Variants in STK38L observed in about 807,000 individuals in gnomAD.
The protein encoded by STK38L is serine/threonine-protein kinase 38-like.
In STK38L, 28 loss-of-function variants were observed where a neutral mutation model predicts 59.7. The observed-to-expected ratio is 0.47, with a 90% CI of 0.35 to 0.64. STK38L has a LOEUF of 0.64. Among genes scored for constraint, STK38L ranks in the 30% least tolerant of loss-of-function variants. The probability of loss-of-function intolerance (pLI) is 0.01; values close to 1 mark genes in which losing one functional copy is unlikely to be tolerated. For missense variants in STK38L, 314 were observed against 555.8 expected (o/e 0.56, Z 4.37); for synonymous variants, 162 against 176.8 (o/e 0.92, Z 0.66).
At chr12:27,284,245 A>C (rs1223143612) in intron 1 of STK38L, among the ~76,000 whole-genome samples, 1 of 152,206 alleles carries the variant, frequency 6.6e-6, no homozygotes, top group Admixed American at 6.5e-5. Context: ...GGGGTAGTAC[A>C]GTGTCCTGGA....
intron 1 of STK38L, among the ~76,000 whole-genome samples, chr12:27,295,216 A>C (rs976400826): frequency 7.2e-5 from 11 of 152,254 alleles, no homozygotes; most frequent in Non-Finnish European, 2.9e-5. Context: ...AGCACAATAC[A>C]AAGATTAAAC....
intron 12 of STK38L, among the ~76,000 whole-genome samples, chr12:27,320,571 C>T (rs559794778): frequency 1.5e-4 from 22 of 149,312 alleles, no homozygotes; most frequent in African/African-American, 4.9e-4. Flanking sequence ...GGATTACAGG[C>T]GCCTAGCCCA....
At chr12:27,314,786 T>A in intron 7 of STK38L, 128 bp downstream of exon 7, 1 of 1,109,336 alleles carries the variant, frequency 9.0e-7, no homozygotes, top group Non-Finnish European at 1.3e-6. Flanking sequence ...GATAAGGTAC[T>A]AGGAGAGGAC....
At chr12:27,279,690 T>TA (rs1943612027) in intron 1 of STK38L, among the ~76,000 whole-genome samples, 1 of 148,446 alleles carries the variant, frequency 6.7e-6, no homozygotes, top group Non-Finnish European at 1.5e-5. Flanking sequence ...AAAAAAAAAT[T>TA]TTTTTTTTTT....
chr12:27,312,668 T>G lies in STK38L; in HGVS notation c.513T>G (p.Pro171=). ...RNLYLIMEFL[P]GGDMMTLLMK... ...TTTATCTAATCATGGAATTTCTCCC[T>G]GGAGGTAAAAGCAAACATTGTATCA... is the stretch of plus-strand genomic sequence containing the variant. Residue 171 remains proline (P), a synonymous_variant, in exon 6 of 14, where the codon CCT becomes CCG. Transcript: ENST00000389032. The G allele has an allele frequency of 6.2e-7, 1 of 1,613,844 alleles. No individual in the cohort carries two copies. The highest frequency in any genetic ancestry group is 1.3e-5 in the African/African-American group (1 of 75,032).
intron 1 of STK38L, among the ~76,000 whole-genome samples, chr12:27,282,184 T>C (rs765075497): frequency 4.7e-4 from 72 of 152,244 alleles, no homozygotes; most frequent in Admixed American, 1.6e-3. Flanking sequence ...TTCTCAACTT[T>C]CGAGTCAGGT....
chr12:27,294,619 C>T (rs549066203), intron 1 of STK38L, among the ~76,000 whole-genome samples: 2 of 151,834 alleles, frequency 1.3e-5, no homozygotes, highest in Admixed American at 6.6e-5. Context: ...TCCATCCTTC[C>T]TCTCCCATCC....
At position 27,308,018 on chromosome 12, in the gene STK38L, A is replaced by G. The variant is rs1467166225; in HGVS notation, c.187-321A>G. ...TCCTGACAGAATAAAAATCAGTATC[A>G]GAATACCATTAACATTTACTAACAT... On this transcript the variant is annotated intron_variant, in intron 3 of 13. Coordinates refer to ENST00000389032, the MANE Select transcript of STK38L (RefSeq NM_015000.4). This position sits in a 1 kb window ranked among gnomAD's most constrained non-coding sequence, Gnocchi z 4.5. Among the ~76,000 whole-genome samples, 2 of 152,210 alleles carry G rather than the reference A, an allele frequency of 1.3e-5. No individual in the cohort carries two copies. The highest frequency in any genetic ancestry group is 2.4e-5 in the African/African-American group (1 of 41,458).
chr12:27,287,425 G>A (rs576929481), intron 1 of STK38L, among the ~76,000 whole-genome samples: 1 of 152,028 alleles, frequency 6.6e-6, no homozygotes, highest in African/African-American at 2.4e-5. Context: ...TAGATATAAT[G>A]GACATTGTTA....
intron 1 of STK38L, among the ~76,000 whole-genome samples, chr12:27,272,136 C>G (rs1159934202): frequency 6.6e-6 from 1 of 152,192 alleles, no homozygotes; most frequent in Non-Finnish European, 1.5e-5. Context: ...AGTTTTCACT[C>G]AGCTGTGGTT....
intron 1 of STK38L, among the ~76,000 whole-genome samples, chr12:27,282,621 G>A (rs954499339): frequency 6.6e-6 from 1 of 151,956 alleles, no homozygotes; most frequent in East Asian, 1.9e-4. Context: ...ATGGTCAATT[G>A]GTACTGTCTC....
At chr12:27,304,465 A>G (rs982493410) in intron 3 of STK38L, among the ~76,000 whole-genome samples, 2 of 152,098 alleles carry the variant, frequency 1.3e-5, no homozygotes, top group South Asian at 2.1e-4. Flanking sequence ...GACTCAATCT[A>G]GAAAACTCAG....
chr12:27,268,514 A>G (rs1371741422), intron 1 of STK38L, among the ~76,000 whole-genome samples: 6 of 152,100 alleles, frequency 3.9e-5, no homozygotes, highest in Non-Finnish European at 8.8e-5. Flanking sequence ...AATCCAGTCT[A>G]TCGTTGTTGG....
intron 1 of STK38L, among the ~76,000 whole-genome samples, chr12:27,289,828 T>TAAGA (rs775308380): frequency 1.3e-5 from 2 of 152,268 alleles, no homozygotes; most frequent in Non-Finnish European, 2.9e-5. Context: ...TACTAACTTC[T>TAAGA]AGTAAGGCTT....
In STK38L at chr12:27,317,371, T is replaced by C; in HGVS notation, c.873T>C (p.Ala291=). 6.2e-7 allele frequency: 1 copy of C among 1,613,320 alleles called. No individual in the cohort carries two copies. Among genetic ancestry groups the C allele is most frequent in the Non-Finnish European group, 8.5e-7 (1 of 1,179,812 alleles). ...YSTVGTPDYI[A]PEVFMQTGYN... The stretch of plus-strand genomic sequence containing the variant: ...CAGTTGGGACACCAGATTACATTGC[T>C]CCAGAAGTATTCATGCAGACTGGTT... The change falls in exon 10 of 14, where the codon GCT becomes GCC. Residue 291 remains alanine, a synonymous_variant. Coordinates refer to ENST00000389032, the MANE Select transcript of STK38L (RefSeq NM_015000.4).
intron 1 of STK38L, among the ~76,000 whole-genome samples, chr12:27,281,014 A>G (rs1468079441): frequency 6.6e-6 from 1 of 151,232 alleles, no homozygotes; most frequent in African/African-American, 2.4e-5. Flanking sequence ...AAGACCAGTA[A>G]TTATCTTGAG....
At chr12:27,315,417 A>T in intron 9 of STK38L, 67 bp downstream of exon 9, 7 of 1,258,556 alleles carry the variant, frequency 5.6e-6, no homozygotes, top group Non-Finnish European at 7.9e-6. Context: ...TTTTAACTTG[A>T]TTATTTTTAT....
chr12:27,266,784 T>C (rs564312467), intron 1 of STK38L, among the ~76,000 whole-genome samples: 4 of 152,320 alleles, frequency 2.6e-5, no homozygotes, highest in African/African-American at 9.6e-5. Flanking sequence ...CAGATTGTGT[T>C]TATCTGAAAT....
At chr12:27,319,000 C>T (rs932861275) in intron 11 of STK38L, among the ~76,000 whole-genome samples, 1 of 151,218 alleles carries the variant, frequency 6.6e-6, no homozygotes, top group African/African-American at 2.4e-5. Context: ...CACAAACAAA[C>T]GAAAAAAAAA....
Sources: gnomAD v4.1 joint callset for allele counts (sites outside exome capture counted in the v4.1 genomes callset) on GRCh38, gnomAD v4.1.1 for gene constraint, Gnocchi (gnomAD v3.1) non-coding constraint, MANE v1.5 for transcripts, NCBI Gene and HGNC (gene_info 2026-07-23, HGNC 2026-07-21) for gene names.